Variants in RNF157 observed in about 807,000 individuals in gnomAD.
RNF157 encodes ring finger protein 157.
A neutral mutation model predicts 88.3 loss-of-function variants in RNF157; 55 were observed. The ratio of observed to expected loss-of-function variants is 0.62; its 90% CI spans 0.50 to 0.78. The LOEUF (loss-of-function observed/expected upper bound fraction) is 0.78, where lower values mean the gene tolerates loss of function less well. Ranked by LOEUF, RNF157 falls within the 30% of genes least tolerant of loss-of-function variation. The pLI, the probability that RNF157 is intolerant of heterozygous loss-of-function variation, is 0.00. For synonymous variants in RNF157, 334 were observed against 341.2 expected (o/e 0.98, Z 0.23); for missense variants, 788 against 860.8 (o/e 0.92, Z 1.06).
At chr17:76,224,729 AAAG>A (rs1426457675) in intron 1 of RNF157, among the ~76,000 whole-genome samples, 6 of 149,124 alleles carry the variant, frequency 4.0e-5, no homozygotes, top group South Asian at 2.1e-4. Context: ...TAAAAAAAAA[AAAG>A]AAAGAAACTG....
In RNF157 at chr17:76,207,268, T is replaced by A. The variant is rs181586777; in HGVS notation, c.207+5096A>T. 9.4e-3 allele frequency among the ~76,000 whole-genome samples: 1,425 copies of A among 152,180 alleles called. 15 individuals carry two copies. Among genetic ancestry groups the A allele is most frequent in the Middle Eastern group, 0.02 (6 of 294 alleles). ...GACCCTGTCTCTACAAAAAAAATTT[T>A]AAAAATTAGCCCAGTGTAGTAGCAT... On this transcript the variant is annotated intron_variant, in intron 2 of 18. Transcript: ENST00000269391.
rs374286443 is a variant in RNF157 at position 76,203,682 on chromosome 17, C to T, written c.207+8682G>A. Among the ~76,000 whole-genome samples, 76 of 151,588 alleles carry T rather than the reference C, an allele frequency of 5.0e-4. No individual in the cohort carries two copies. The East Asian group carries it at 0.013, about 26-fold the overall frequency. On this transcript the variant is annotated intron_variant, in intron 2 of 18. Transcript: ENST00000269391. ...GGCCAGGCTGGTCTTAAACTCCTGACCTAAGGTGACCTCCCCGCCTCAGCC... is the reference window on the plus strand; with the variant it reads ...GGCCAGGCTGGTCTTAAACTCCTGATCTAAGGTGACCTCCCCGCCTCAGCC...
chr17:76,163,697 GCTA>G (rs1320724997), intron 8 of RNF157: 1 of 152,130 alleles, frequency 6.6e-6, no homozygotes, highest in African/African-American at 2.4e-5. Flanking sequence ...ACAGTCTGTT[GCTA>G]ATGCCAATCT....
chr17:76,162,398 A>G (rs2068858249), intron 9 of RNF157, among the ~76,000 whole-genome samples, 154 bp downstream of exon 9: 1 of 152,258 alleles, frequency 6.6e-6, no homozygotes, highest in African/African-American at 2.4e-5. Flanking sequence ...CCAAAGTGGT[A>G]AAAGCGTAAT....
intron 1 of RNF157, among the ~76,000 whole-genome samples, chr17:76,214,586 C>T (rs2069857302): frequency 6.6e-6 from 1 of 152,166 alleles, no homozygotes; most frequent in Non-Finnish European, 1.5e-5. Context: ...AATTACTACA[C>T]AGACTATGGT....
intron 2 of RNF157, among the ~76,000 whole-genome samples, chr17:76,185,541 C>T (rs1265189369): frequency 2.0e-5 from 3 of 149,462 alleles, no homozygotes; most frequent in South Asian, 2.1e-4. Context: ...GCGATCTCGG[C>T]TCACTGCAAG....
chr17:76,232,137 C>CT (rs1340225212), intron 1 of RNF157, among the ~76,000 whole-genome samples: 1 of 152,174 alleles, frequency 6.6e-6, no homozygotes, highest in African/African-American at 2.4e-5. Flanking sequence ...AATTCCTGCA[C>CT]TTTGAGAGGC....
chr17:76,165,488 C>G lies in RNF157; in HGVS notation c.672+14G>C. On this transcript the variant is annotated intron_variant, in intron 7 of 18. Transcript: ENST00000269391. ...GCTAAAGGCAATAAAGCGAGGCCCT[C>G]TAAAGTCACTCACCTTCTCAAAAGT... 5 of 1,613,942 alleles carry G rather than the reference C, an allele frequency of 3.1e-6. No individual in the cohort carries two copies. The highest frequency in any genetic ancestry group is 4.2e-6 in the Non-Finnish European group (5 of 1,179,848).
chr17:76,194,240 C>G lies in RNF157; in HGVS notation c.207+18124G>C, dbSNP rs1301855726. On this transcript the variant is annotated intron_variant, in intron 2 of 18. Transcript: ENST00000269391. ...TCTCTAGTCAACTCCTCCATGCACCCCAGTCCCTGGCAACCATTGATCTAT... is the reference window on the plus strand; with the variant it reads ...TCTCTAGTCAACTCCTCCATGCACCGCAGTCCCTGGCAACCATTGATCTAT... Among the ~76,000 whole-genome samples, 3 of 152,186 alleles carry G rather than the reference C, an allele frequency of 2.0e-5. No individual in the cohort carries two copies. In the East Asian group the frequency reaches 5.8e-4, roughly 29 times the overall value.
intron 2 of RNF157, among the ~76,000 whole-genome samples, chr17:76,177,659 G>C (rs1324896542): frequency 5.3e-5 from 8 of 152,016 alleles, no homozygotes; most frequent in African/African-American, 1.9e-4. Context: ...GCCTGCCCAT[G>C]GATGCCCAGG....
At chr17:76,154,231 A>G (rs2068726268) in intron 17 of RNF157, 52 bp downstream of exon 17, 1 of 1,353,290 alleles carries the variant, frequency 7.4e-7, no homozygotes, top group African/African-American at 1.4e-5. Context: ...CTTAAAGAAT[A>G]CCCAGGAAAG....
rs530495444 is a variant in RNF157 at position 76,237,281 on chromosome 17, C to T, written c.88+2872G>A. On this transcript the variant is annotated intron_variant, in intron 1 of 18. Transcript: ENST00000269391. Reference sequence around the variant, plus strand: ...AGCAATTTCAGCTGGACACTGTGACCGTCATTACAAGGACAGATGATGGTG... The same window carrying T: ...AGCAATTTCAGCTGGACACTGTGACTGTCATTACAAGGACAGATGATGGTG... 2.8e-4 allele frequency among the ~76,000 whole-genome samples: 42 copies of T among 152,312 alleles called. 1 individual carries two copies. The South Asian group carries it at 8.1e-3, about 29-fold the overall frequency.
rs553397271 is a variant in RNF157, at chr17:76,234,728, G to A, written c.88+5425C>T. On this transcript the variant is annotated intron_variant, in intron 1 of 18. Coordinates refer to ENST00000269391, the MANE Select transcript of RNF157 (RefSeq NM_052916.3). ...AATTGGGTTGTCTTTTTATTATTGA[G>A]CATATGAGTTCCTTATATATTCTAG... 1.5e-3 allele frequency among the ~76,000 whole-genome samples: 223 copies of A among 152,110 alleles called. 2 individuals carry two copies. Among genetic ancestry groups the A allele is most frequent in the African/African-American group, 5.3e-3 (219 of 41,502 alleles).
chr17:76,196,241 T>G (rs1420224668), intron 2 of RNF157, among the ~76,000 whole-genome samples: 1 of 152,160 alleles, frequency 6.6e-6, no homozygotes, highest in Non-Finnish European at 1.5e-5. Flanking sequence ...GATAAATAAA[T>G]GTCACAAAGA....
intron 17 of RNF157, chr17:76,154,037 G>A (rs1196903242): frequency 6.0e-6 from 3 of 496,788 alleles, no homozygotes; most frequent in East Asian, 7.5e-5. Context: ...GGACCTGTAT[G>A]TATCTCCTGC....
rs745825196 is a variant in RNF157, at chr17:76,167,776, G to C, written c.318C>G (p.Ser106Arg). Residue 106 changes from serine to arginine, a missense_variant, in exon 4 of 19, where the codon AGC (serine) becomes AGG (arginine). Transcript: ENST00000269391. ...TAGCTTTACTGGCCTCTTCTCCAGG[G>C]CTCTTCACTTCCTCAGCACATCTAG... ...RLVKCAEEVK[S>R]PGEEASKAKV... 6.2e-7 allele frequency: 1 copy of C among 1,614,046 alleles called. No homozygotes were observed. The highest frequency in any genetic ancestry group is 1.1e-5 in the South Asian group (1 of 91,074).
At chr17:76,166,918 C>T in intron 5 of RNF157, 91 bp downstream of exon 5, 1 of 798,798 alleles carries the variant, frequency 1.3e-6, no homozygotes, top group Non-Finnish European at 2.0e-6. Context: ...CTTCAAGCAT[C>T]CGAGCAGCCC....
intron 2 of RNF157, among the ~76,000 whole-genome samples, chr17:76,182,089 C>T (rs938533002): frequency 2.0e-5 from 3 of 152,092 alleles, no homozygotes; most frequent in Admixed American, 1.3e-4. Flanking sequence ...GCATCTGGTG[C>T]CCTGCATGCT....
chr17:76,182,034 C>T (rs955060401), intron 2 of RNF157, among the ~76,000 whole-genome samples: 1 of 152,086 alleles, frequency 6.6e-6, no homozygotes, highest in Non-Finnish European at 1.5e-5. Flanking sequence ...AGTGAAGAGT[C>T]AAGCAAACCT....
Sources: allele counts gnomAD v4.1 joint callset (sites outside exome capture counted in the v4.1 genomes callset), GRCh38; gene constraint gnomAD v4.1.1; transcripts MANE v1.5; gene names NCBI Gene and HGNC (gene_info 2026-07-23, HGNC 2026-07-21).